The following SPDYE4 variants were observed in gnomAD, a reference collection of about 807,000 sequenced individuals.
The protein encoded by SPDYE4 is speedy/RINGO cell cycle regulator family member E4, also known as speedy protein E4.
In SPDYE4, 30 loss-of-function variants were observed where a neutral mutation model predicts 37.5. The ratio of observed to expected loss-of-function variants is 0.80; its 90% CI spans 0.60 to 1.09. SPDYE4 has a LOEUF of 1.09. Ranked by LOEUF, SPDYE4 falls within the 50% of genes least tolerant of loss-of-function variation. The pLI, the probability that SPDYE4 is intolerant of heterozygous loss-of-function variation, is 0.00. For synonymous variants in SPDYE4, 131 were observed against 120.3 expected (o/e 1.09, Z -0.58); for missense variants, 300 against 307.9 (o/e 0.97, Z 0.19).
At chr17:8,755,632 G>C (rs760374400) in intron 3 of SPDYE4, 27 bp from the exon 4 acceptor site, 3 of 1,609,196 alleles carry the variant, frequency 1.9e-6, no homozygotes, top group Non-Finnish European at 2.6e-6. Flanking sequence ...AGTAGAGAGA[G>C]AGAAAGGTTG....
At chr17:8,753,861 A>G (rs1442556817) in intron 4 of SPDYE4, among the ~76,000 whole-genome samples, 1 of 152,102 alleles carries the variant, frequency 6.6e-6, no homozygotes, top group South Asian at 2.1e-4. Flanking sequence ...GTGTCCTGCC[A>G]TCCTTATACA....
intron 6 of SPDYE4, among the ~76,000 whole-genome samples, chr17:8,752,868 C>T (rs1009270813): frequency 6.6e-6 from 1 of 152,064 alleles, no homozygotes; most frequent in Non-Finnish European, 1.5e-5. Flanking sequence ...AGAATCACAG[C>T]TCACTGCAGC....
rs2086730754 is a variant in SPDYE4, at chr17:8,751,900, T to C, written c.*382A>G. On this transcript the variant is annotated 3_prime_UTR_variant, in exon 7 of 7. Transcript: ENST00000689094. ...TGAGTGCCTGCGCTGTGCCTTCAAA[T>C]GCTCTGGACTGTGGCAACCAAGTCC... 6.6e-6 allele frequency among the ~76,000 whole-genome samples: 1 copy of C among 152,184 alleles called. No homozygotes were observed. Among genetic ancestry groups the C allele is most frequent in the South Asian group, 2.1e-4 (1 of 4,824 alleles).
intron 4 of SPDYE4, among the ~76,000 whole-genome samples, chr17:8,754,212 C>T (rs181308635): frequency 6.6e-6 from 1 of 152,252 alleles, no homozygotes. Context: ...TAGGCAAATG[C>T]CATATGAATT....
rs751531877 is a variant in SPDYE4, at chr17:8,757,432, C to G, written c.170G>C (p.Trp57Ser). The change falls in exon 2 of 7, where the codon TGG (tryptophan) becomes TCG (serine). Residue 57 changes from tryptophan (W) to serine (S), a missense_variant. Coordinates refer to ENST00000689094, the MANE Select transcript of SPDYE4 (RefSeq NM_001394956.1). ...QSLGLKRKSE[W>S]SDESEEELEE... ...CAGCTCCTCCTCGGATTCGTCTGAC[C>G]ATTCGCTCTTCCTTTTCAGGCCAAG... 6.3e-7 allele frequency: 1 copy of G among 1,598,026 alleles called. No homozygotes were observed. The highest frequency in any genetic ancestry group is 1.1e-5 in the South Asian group (1 of 88,854).
chr17:8,757,002 A>C (rs2086777905), intron 2 of SPDYE4, among the ~76,000 whole-genome samples: 1 of 151,916 alleles, frequency 6.6e-6, no homozygotes, highest in Non-Finnish European at 1.5e-5. Flanking sequence ...AGTTCAAGAG[A>C]TCCTCCCGCC....
In SPDYE4 at chr17:8,757,385, G is replaced by A. The variant is rs149790109; in HGVS notation, c.217C>T (p.Arg73Cys). The A allele has an allele frequency of 1.8e-5, 29 of 1,592,206 alleles. No homozygotes were observed. The highest frequency in any genetic ancestry group is 6.7e-5 in the African/African-American group (5 of 74,516). ...CAGGTGTCCTCGGGCTCAGGGGCGC[G>A]CTCCAACTCCAGCTCCTCCTCCAGC... is the stretch of plus-strand genomic sequence containing the variant. ...EELEEELELE[R>C]APEPEDTWVV... The change falls in exon 2 of 7, where the codon CGC becomes TGC. Residue 73 changes from arginine to cysteine, a missense_variant. Transcript: ENST00000689094.
chr17:8,758,536 G>A lies in SPDYE4; in HGVS notation c.-154C>T. The A allele has an allele frequency of 1.5e-6, 1 of 673,938 alleles. No homozygotes were observed. Among genetic ancestry groups the A allele is most frequent in the South Asian group, 2.0e-5 (1 of 51,100 alleles). 41.7% of individuals were successfully genotyped at this position (673,938 alleles called of 1,614,324 possible). A position where few individuals can be genotyped will look rare whatever the true frequency, so the allele number is the denominator to read the frequency against. On this transcript the variant is annotated 5_prime_UTR_variant, in exon 1 of 7. Coordinates refer to ENST00000689094, the MANE Select transcript of SPDYE4 (RefSeq NM_001394956.1). ...TGAAGAGTAGTTCTGAGAAGTTGCT[G>A]TTGTCCACCTGAACTCCCAAGCAAC...
chr17:8,753,243 G>T (rs1367624309), intron 5 of SPDYE4, 46 bp from the exon 6 acceptor site: 1 of 1,612,858 alleles, frequency 6.2e-7, no homozygotes, highest in African/African-American at 1.3e-5. Context: ...TCCCCAGGAA[G>T]CCCCCTCTCT....
rs2086739690 is a variant in SPDYE4, at chr17:8,753,004, C to T, written c.*44+90G>A. 6.9e-6 allele frequency: 8 copies of T among 1,152,346 alleles called. No homozygotes were observed. In the East Asian group the frequency reaches 1.3e-4, roughly 19 times the overall value. The allele number at this position is 1,152,346 out of a possible 1,614,324, so 71.4% of individuals were successfully genotyped here. On this transcript the variant is annotated intron_variant, in intron 6 of 6. Coordinates refer to ENST00000689094, the MANE Select transcript of SPDYE4 (RefSeq NM_001394956.1). ...GGAGACGGGGTGTCGCCATGTTGAC[C>T]AGGCTTGAAGCTGGATCAAGCAGTT...
chr17:8,752,840 C>T (rs369042926), intron 6 of SPDYE4, among the ~76,000 whole-genome samples: 5 of 152,090 alleles, frequency 3.3e-5, no homozygotes, highest in South Asian at 2.1e-4. Flanking sequence ...TCTGTCGTCC[C>T]GGCTGGAGTG....
At chr17:8,753,273 T>TGC in intron 5 of SPDYE4, 48 bp downstream of exon 5, 11 of 1,556,412 alleles carry the variant, frequency 7.1e-6, no homozygotes, top group African/African-American at 1.4e-5. Flanking sequence ...CAGCCTCCAG[T>TGC]CCACCCCATC....
At chr17:8,756,286 G>A in intron 3 of SPDYE4, 92 bp downstream of exon 3, 1 of 1,195,412 alleles carries the variant, frequency 8.4e-7, no homozygotes, top group Admixed American at 1.9e-5. Flanking sequence ...ATGGTAGAGG[G>A]AGAGAGGAGA....
At chr17:8,754,739 CAG>C (rs1050900944) in intron 4 of SPDYE4, among the ~76,000 whole-genome samples, 3 of 152,288 alleles carry the variant, frequency 2.0e-5, no homozygotes, top group South Asian at 2.1e-4. Flanking sequence ...GCTGGAAGAT[CAG>C]GGGAGGCATT....
intron 3 of SPDYE4, among the ~76,000 whole-genome samples, 182 bp from the exon 4 acceptor site, chr17:8,755,787 C>T (rs1436232696): frequency 5.9e-5 from 9 of 152,004 alleles, no homozygotes; most frequent in East Asian, 5.8e-4. Context: ...GCTGCAAATC[C>T]GGGAAGTCGG....
intron 2 of SPDYE4, among the ~76,000 whole-genome samples, chr17:8,756,845 T>C (rs373790783): frequency 6.6e-5 from 10 of 152,318 alleles, no homozygotes; most frequent in African/African-American, 2.4e-4. Context: ...TCAAGAGACA[T>C]AGAGTTTCAG....
At chr17:8,757,113 A>G in intron 2 of SPDYE4, 149 bp downstream of exon 2, 3 of 729,810 alleles carry the variant, frequency 4.1e-6, no homozygotes, top group Non-Finnish European at 4.4e-6. Flanking sequence ...AGACTAGCCT[A>G]ATCCTCTATC....
Position 8,757,294 on chromosome 17 carries a change from G to A in SPDYE4, c.308C>T (p.Pro103Leu), listed in dbSNP as rs750360607. ...LKRKRASSVLPEHHEAFNRLL... is the reference protein window; with the variant it reads ...LKRKRASSVLLEHHEAFNRLL... Reference sequence around the variant, plus strand: ...CCTGTTGAAGGCCTCGTGGTGCTCAGGGAGCACGGAGGATGCTCGCTTTCG... The same window carrying A: ...CCTGTTGAAGGCCTCGTGGTGCTCAAGGAGCACGGAGGATGCTCGCTTTCG... The change falls in exon 2 of 7, where the codon CCT (proline) becomes CTT (leucine). Residue 103 changes from proline to leucine, a missense_variant. Coordinates refer to ENST00000689094, the MANE Select transcript of SPDYE4 (RefSeq NM_001394956.1). The A allele has an allele frequency of 1.6e-5, 26 of 1,605,452 alleles. No individual in the cohort carries two copies. Among genetic ancestry groups the A allele is most frequent in the Non-Finnish European group, 2.1e-5 (25 of 1,175,846 alleles).
At chr17:8,753,273 T>TCCCCCCCCAA in intron 5 of SPDYE4, 48 bp downstream of exon 5, 1 of 1,556,554 alleles carries the variant, frequency 6.4e-7, no homozygotes, top group Non-Finnish European at 8.8e-7. Flanking sequence ...CAGCCTCCAG[T>TCCCCCCCCAA]CCACCCCATC....
Sources: allele counts gnomAD v4.1 joint callset (sites outside exome capture counted in the v4.1 genomes callset), GRCh38; gene constraint gnomAD v4.1.1; transcripts MANE v1.5; gene names NCBI Gene and HGNC (gene_info 2026-07-23, HGNC 2026-07-21).